EPS15: variants seen among roughly 807,000 people sequenced by gnomAD.
EPS15 encodes epidermal growth factor receptor pathway substrate 15.
In EPS15, 72 loss-of-function variants were observed where a neutral mutation model predicts 113.8. The ratio of observed to expected loss-of-function variants is 0.63; its 90% confidence interval spans 0.52 to 0.77. EPS15 has a LOEUF of 0.77. Among genes scored for constraint, EPS15 ranks in the 30% least tolerant of loss-of-function variants. The pLI is 0.00. For synonymous variants in EPS15, 344 were observed against 363.4 expected, an observed-to-expected ratio of 0.95 and a Z score of 0.61; for missense variants, 1,048 against 1,045.8, an observed-to-expected ratio of 1.00 and a Z score of -0.03.
chr1:51,358,904 A>G (rs1646309170), intron 24 of EPS15, among the ~76,000 whole-genome samples: 2 of 151,512 alleles, frequency 1.3e-5, no homozygotes, highest in Admixed American at 6.6e-5. Context: ...GGGTTTCACC[A>G]TGTTGGCCAG....
At chr1:51,508,360 G>GAAAGAAAGAAAGAA in intron 1 of EPS15, among the ~76,000 whole-genome samples, 1 of 149,562 alleles carries the variant, frequency 6.7e-6, no homozygotes, top group South Asian at 2.1e-4. Flanking sequence ...AAGAAAGAAA[G>GAAAGAAAGAAAGAA]AAAGAAAGAA....
intron 15 of EPS15, among the ~76,000 whole-genome samples, chr1:51,406,826 G>A (rs910157865): frequency 1.3e-5 from 2 of 152,116 alleles, no homozygotes; most frequent in African/African-American, 4.8e-5. Context: ...TGCTAGGGGA[G>A]ACAGACATAT....
intron 13 of EPS15, among the ~76,000 whole-genome samples, chr1:51,414,599 A>C (rs1650039350): frequency 6.6e-6 from 1 of 152,158 alleles, no homozygotes; most frequent in Non-Finnish European, 1.5e-5. Flanking sequence ...TAGGAAAAAT[A>C]TGTTATCTAT....
At chr1:51,387,379 A>C (rs1043672737) in intron 21 of EPS15, among the ~76,000 whole-genome samples, 3 of 152,206 alleles carry the variant, frequency 2.0e-5, no homozygotes, top group Non-Finnish European at 4.4e-5. Context: ...CAAATTGTAA[A>C]GACCATCGAG....
intron 17 of EPS15, among the ~76,000 whole-genome samples, chr1:51,402,849 G>C (rs1355355212): frequency 6.6e-6 from 1 of 152,148 alleles, no homozygotes; most frequent in Non-Finnish European, 1.5e-5. Flanking sequence ...AGGTTGCAGT[G>C]AGCCAAGATC....
chr1:51,448,793 A>C (rs1653287065), intron 8 of EPS15, among the ~76,000 whole-genome samples: 2 of 152,176 alleles, frequency 1.3e-5, no homozygotes, highest in Admixed American at 1.3e-4. Context: ...GAGAAGTAGT[A>C]GCATCAAAAA....
intron 3 of EPS15, 126 bp downstream of exon 3, chr1:51,472,733 A>G: frequency 1.5e-6 from 1 of 661,290 alleles, no homozygotes; most frequent in Non-Finnish European, 2.7e-6. Flanking sequence ...TACTATTAAA[A>G]TGGCTTCTAT....
rs369528436 is a variant in EPS15 at position 51,508,338 on chromosome 1, G to GAGAAAGAAAGAAAGAAAGAA, written c.33+10841_33+10860dup. On this transcript the variant is annotated intron_variant, in intron 1 of 24. Transcript: ENST00000371733. ...AGAGAGAAAGAGAGAAAGAGAAAGAGAGAAAGAAAGAAAGAAAGAAAGAAA... is the reference window on the plus strand; with the variant it reads ...AGAGAGAAAGAGAGAAAGAGAAAGAGAGAAAGAAAGAAAGAAAGAAAGAAAGAAAGAAAGAAAGAAAGAAA... Among the ~76,000 whole-genome samples the GAGAAAGAAAGAAAGAAAGAA allele has an allele frequency of 1.3e-3, 164 of 122,320 alleles. 1 individual carries two copies. The highest frequency in any genetic ancestry group is 3.9e-3 in the Middle Eastern group (1 of 258). 80.2% of individuals were successfully genotyped at this position (122,320 alleles called of 152,430 possible).
intron 5 of EPS15, among the ~76,000 whole-genome samples, chr1:51,467,212 A>G (rs1654905390): frequency 3.9e-5 from 6 of 152,246 alleles, no homozygotes; most frequent in Admixed American, 3.9e-4. Context: ...CAGGCACTCA[A>G]ACAATTGCTG....
intron 24 of EPS15, among the ~76,000 whole-genome samples, chr1:51,360,371 T>A (rs75718840): frequency 0.063 from 9,530 of 152,298 alleles, 525 homozygotes; most frequent in African/African-American, 0.15. Flanking sequence ...TAACTTTTTT[T>A]ACTGAATAAT....
At chr1:51,508,757 A>G (rs568013341) in intron 1 of EPS15, among the ~76,000 whole-genome samples, 49 of 152,296 alleles carry the variant, frequency 3.2e-4, no homozygotes, top group Non-Finnish European at 6.8e-4. Flanking sequence ...CTATGGTCAA[A>G]GTTAAAAATT....
intron 1 of EPS15, among the ~76,000 whole-genome samples, chr1:51,492,747 T>C (rs1353528587): frequency 6.6e-6 from 1 of 152,066 alleles, no homozygotes; most frequent in Non-Finnish European, 1.5e-5. Context: ...GGAAGAAGCA[T>C]GATCTTTAAG....
At chr1:51,417,542 T>C (rs1011614212) in intron 13 of EPS15, among the ~76,000 whole-genome samples, 1 of 152,198 alleles carries the variant, frequency 6.6e-6, no homozygotes, top group African/African-American at 2.4e-5. Flanking sequence ...AGGAAGATAT[T>C]GGAAGCTATA....
At chr1:51,360,885 A>G (rs1646368913) in intron 24 of EPS15, among the ~76,000 whole-genome samples, 1 of 152,138 alleles carries the variant, frequency 6.6e-6, no homozygotes, top group African/African-American at 2.4e-5. Flanking sequence ...CCACAAAATA[A>G]TAACTGTTAG....
At chr1:51,489,120 A>C (rs1212895767) in intron 1 of EPS15, among the ~76,000 whole-genome samples, 4 of 151,592 alleles carry the variant, frequency 2.6e-5, no homozygotes, top group Non-Finnish European at 5.9e-5. Context: ...TTTTGGTTTA[A>C]ACCAATATCC....
intron 21 of EPS15, among the ~76,000 whole-genome samples, chr1:51,368,279 A>G (rs1646554090): frequency 6.6e-6 from 1 of 152,246 alleles, no homozygotes; most frequent in African/African-American, 2.4e-5. Context: ...GGAGCAAAGA[A>G]GATACACTAT....
chr1:51,439,244 A>G (rs1261985439), intron 12 of EPS15, among the ~76,000 whole-genome samples: 1 of 152,140 alleles, frequency 6.6e-6, no homozygotes, highest in Non-Finnish European at 1.5e-5. Flanking sequence ...GAAAGGTTTC[A>G]GTTTCACAAG....
intron 21 of EPS15, among the ~76,000 whole-genome samples, chr1:51,386,814 C>T (rs1482842093): frequency 1.3e-5 from 2 of 152,086 alleles, no homozygotes; most frequent in Non-Finnish European, 2.9e-5. Context: ...AAATATGGGA[C>T]TATGTGAAAA....
At chr1:51,517,463 A>G (rs1351299768) in intron 1 of EPS15, among the ~76,000 whole-genome samples, 1 of 152,234 alleles carries the variant, frequency 6.6e-6, no homozygotes, top group East Asian at 1.9e-4. Flanking sequence ...ACCCAGGGAG[A>G]GAATAAAGTA....
Sources: gnomAD v4.1 joint callset for allele counts (sites outside exome capture counted in the v4.1 genomes callset) on GRCh38, gnomAD v4.1.1 for gene constraint, MANE v1.5 for transcripts, NCBI Gene and HGNC (gene_info 2026-07-23, HGNC 2026-07-21) for gene names.